Variants in CAMTA1 observed in about 807,000 individuals in gnomAD.
CAMTA1 encodes the protein calmodulin binding transcription activator 1, also known as calmodulin-binding transcription activator 1.
In CAMTA1, 27 loss-of-function variants were observed where a neutral mutation model predicts 170.9. The ratio of observed to expected loss-of-function variants is 0.16; its 90% CI spans 0.12 to 0.22. CAMTA1 has a LOEUF of 0.22. Among genes scored for constraint, CAMTA1 ranks in the 10% least tolerant of loss-of-function variants. The probability of loss-of-function intolerance (pLI) is 1.00; values close to 1 mark genes in which losing one functional copy is unlikely to be tolerated. For synonymous variants in CAMTA1, 833 were observed against 891.5 expected (o/e 0.93, Z 1.17); for missense variants, 1,619 against 2,217.2 (o/e 0.73, Z 5.42).
rs917903860 is a variant in CAMTA1, at chr1:7,547,387, CACA to C, written c.510+79487_510+79489del. On this transcript the variant is annotated intron_variant, in intron 6 of 22. Coordinates refer to ENST00000303635, the MANE Select transcript of CAMTA1 (RefSeq NM_015215.4). The surrounding 1 kb of genome is among the most constrained non-coding windows in gnomAD (Gnocchi z 5.7). Reference sequence around the variant, plus strand: ...ACACACACACACACACACACACACACACAGAGTTGGCCTTCCACATTCATGAGT... The same window carrying C: ...ACACACACACACACACACACACACACGAGTTGGCCTTCCACATTCATGAGT... Among the ~76,000 whole-genome samples, 8 of 138,136 alleles carry C rather than the reference CACA, an allele frequency of 5.8e-5. No individual in the cohort carries two copies. The highest frequency in any genetic ancestry group is 1.8e-4 in the African/African-American group (7 of 38,482). 90.6% of individuals were successfully genotyped at this position (138,136 alleles called of 152,430 possible). A position where few individuals can be genotyped will look rare whatever the true frequency, so the allele number is the denominator to read the frequency against.
chr1:6,856,080 TG>T (rs1290360806), intron 3 of CAMTA1, among the ~76,000 whole-genome samples: 1 of 152,076 alleles, frequency 6.6e-6, no homozygotes. Context: ...AGTGGGATGC[TG>T]GGGGGAGCTG....
intron 3 of CAMTA1, among the ~76,000 whole-genome samples, chr1:6,877,020 G>A (rs1670086470): frequency 6.6e-6 from 1 of 152,172 alleles, no homozygotes; most frequent in Admixed American, 6.5e-5. Flanking sequence ...GAGAGAGAAA[G>A]GTGCTTCTTC....
Position 7,552,997 on chromosome 1 carries a change from G to T in CAMTA1, c.510+85096G>T, listed in dbSNP as rs558862863. 7.5e-4 allele frequency among the ~76,000 whole-genome samples: 114 copies of T among 152,320 alleles called. 2 individuals are homozygous for T. The South Asian group carries it at 0.022, about 29-fold the overall frequency. ...GCCGGTGAGGACAGAGGGACCTCTGGGAGCTGCAATAGGAACAGCCGCAGT... is the reference window on the plus strand; with the variant it reads ...GCCGGTGAGGACAGAGGGACCTCTGTGAGCTGCAATAGGAACAGCCGCAGT... On this transcript the variant is annotated intron_variant, in intron 6 of 22. Transcript: ENST00000303635.
intron 4 of CAMTA1, among the ~76,000 whole-genome samples, chr1:7,213,698 G>T (rs1315579452): frequency 6.6e-6 from 1 of 151,718 alleles, no homozygotes; most frequent in South Asian, 2.1e-4. Flanking sequence ...ATGTTGGTGT[G>T]CTGTACCCAT....
At chr1:7,424,453 G>GGGGGGT (rs1319625941) in intron 5 of CAMTA1, among the ~76,000 whole-genome samples, 1 of 151,276 alleles carries the variant, frequency 6.6e-6, no homozygotes, top group Non-Finnish European at 1.5e-5. Context: ...GGAGGATGAG[G>GGGGGGT]GGGGGTGGGG....
At chr1:7,318,286 C>T (rs1029609289) in intron 5 of CAMTA1, among the ~76,000 whole-genome samples, 26 of 152,322 alleles carry the variant, frequency 1.7e-4, no homozygotes, top group African/African-American at 6.3e-4. Flanking sequence ...GGCATTGGGT[C>T]AGCCCGTAAA....
At chr1:6,987,614 G>A (rs1695575347) in intron 3 of CAMTA1, among the ~76,000 whole-genome samples, 1 of 152,202 alleles carries the variant, frequency 6.6e-6, no homozygotes, top group South Asian at 2.1e-4. Flanking sequence ...GAAGGAAGAA[G>A]TTCTGACCGG....
intron 4 of CAMTA1, among the ~76,000 whole-genome samples, chr1:7,176,648 G>T (rs144224399): frequency 2.4e-4 from 37 of 152,314 alleles, no homozygotes; most frequent in African/African-American, 8.7e-4. Context: ...GATGCTGAGG[G>T]CATAGGAGCA....
chr1:7,188,202 C>T (rs750971431), intron 4 of CAMTA1, among the ~76,000 whole-genome samples: 21 of 152,176 alleles, frequency 1.4e-4, no homozygotes, highest in Non-Finnish European at 2.2e-4. Flanking sequence ...GTCTCTCCCA[C>T]AACACCTGAG....
At position 7,066,204 on chromosome 1, in the gene CAMTA1, C is replaced by G. The variant is rs567302385; in HGVS notation, c.235-25100C>G. Among the ~76,000 whole-genome samples, 4 of 152,320 alleles carry G rather than the reference C, an allele frequency of 2.6e-5. No homozygotes were observed. In the East Asian group the frequency reaches 7.7e-4, roughly 29 times the overall value. On this transcript the variant is annotated intron_variant, in intron 3 of 22. Coordinates refer to ENST00000303635, the MANE Select transcript of CAMTA1 (RefSeq NM_015215.4). ...ACAAATCGTCTCCTTTCTAGTGGTT[C>G]CCTCTTCTTCTCCCAGGGCAACAGC...
At chr1:7,613,492 A>G (rs1276282552) in intron 6 of CAMTA1, among the ~76,000 whole-genome samples, 1 of 152,142 alleles carries the variant, frequency 6.6e-6, no homozygotes, top group Admixed American at 6.5e-5. Context: ...TGCAGGGAAA[A>G]GATGCACGGA....
chr1:7,638,280 G>A lies in CAMTA1; in HGVS notation c.511-2120G>A, dbSNP rs554096531. Among the ~76,000 whole-genome samples, 8 of 152,196 alleles carry A rather than the reference G, an allele frequency of 5.3e-5. No individual in the cohort carries two copies. In the South Asian group the frequency reaches 1.2e-3, roughly 24 times the overall value. ...AAAAGCACAGGATGAGGCCTCCCAC[G>A]TGGCTTTTTCCATTGTTCCCTGCAG... On this transcript the variant is annotated intron_variant, in intron 6 of 22. Transcript: ENST00000303635.
intron 3 of CAMTA1, among the ~76,000 whole-genome samples, chr1:7,026,386 T>C (rs1052039856): frequency 2.6e-5 from 4 of 152,042 alleles, no homozygotes; most frequent in Non-Finnish European, 5.9e-5. Context: ...TCATGTGTGA[T>C]TCAGAATGTA....
intron 17 of CAMTA1, 131 bp from the exon 18 acceptor site, chr1:7,745,714 C>T (rs1317743896): frequency 2.8e-6 from 3 of 1,064,186 alleles, no homozygotes; most frequent in Non-Finnish European, 4.2e-6. Flanking sequence ...ACTTGCCTAA[C>T]TGAATGAAGG....
In CAMTA1 at chr1:7,634,087, G is replaced by C. The variant is rs931010571; in HGVS notation, c.511-6313G>C. On this transcript the variant is annotated intron_variant, in intron 6 of 22. Coordinates refer to ENST00000303635, the MANE Select transcript of CAMTA1 (RefSeq NM_015215.4). The surrounding 1 kb of genome is among the most constrained non-coding windows in gnomAD (Gnocchi z 6.2). ...AGTGTGGGCCTGATCTCAGTGCCAA[G>C]GAGCCGTCCGGAACAGCCCAACCAC... Among the ~76,000 whole-genome samples, 4 of 152,188 alleles carry C rather than the reference G, an allele frequency of 2.6e-5. No individual in the cohort carries two copies. Among genetic ancestry groups the C allele is most frequent in the Admixed American group, 6.5e-5 (1 of 15,284 alleles).
At chr1:6,907,697 G>T (rs1170760508) in intron 3 of CAMTA1, among the ~76,000 whole-genome samples, 7 of 152,164 alleles carry the variant, frequency 4.6e-5, no homozygotes, top group Non-Finnish European at 2.9e-5. Flanking sequence ...AGGGCGTAAG[G>T]ACGACCACCC....
chr1:7,346,825 A>C (rs1209008298), intron 5 of CAMTA1, among the ~76,000 whole-genome samples: 3 of 152,002 alleles, frequency 2.0e-5, no homozygotes, highest in Non-Finnish European at 4.4e-5. Flanking sequence ...GACCAGCCCC[A>C]TTTACCCCAG....
intron 3 of CAMTA1, among the ~76,000 whole-genome samples, chr1:6,879,291 G>A (rs1670803887): frequency 6.6e-6 from 1 of 152,202 alleles, no homozygotes; most frequent in Admixed American, 6.5e-5. Context: ...TGCTGTGAGC[G>A]AAGCCTGTGT....
At chr1:7,314,071 C>T (rs971594242) in intron 5 of CAMTA1, among the ~76,000 whole-genome samples, 2 of 152,220 alleles carry the variant, frequency 1.3e-5, no homozygotes, top group Non-Finnish European at 2.9e-5. Context: ...GAAAGTTCAT[C>T]CCCCGGGAGG....
Sources: allele counts gnomAD v4.1 joint callset (sites outside exome capture counted in the v4.1 genomes callset), GRCh38; gene constraint gnomAD v4.1.1; non-coding constraint Gnocchi (gnomAD v3.1); transcripts MANE v1.5; gene names NCBI Gene and HGNC (gene_info 2026-07-23, HGNC 2026-07-21).